Variants in MPDZ observed in about 807,000 individuals in gnomAD.
MPDZ encodes the protein multiple PDZ domain protein.
MPDZ carries 234 observed loss-of-function variants against 239.1 expected under a neutral mutation model. That is an observed-to-expected ratio of 0.98 (90% CI 0.88 to 1.09). The LOEUF is 1.09. Among genes scored for constraint, MPDZ ranks in the 50% least tolerant of loss-of-function variants. MPDZ has a pLI of 0.00. For missense variants in MPDZ, 3,175 were observed against 2,510.0 expected (o/e 1.26, Z -5.66); for synonymous variants, 1,048 against 881.3 (o/e 1.19, Z -3.35).
intron 10 of MPDZ, among the ~76,000 whole-genome samples, chr9:13,213,096 T>C (rs1957836688): frequency 6.6e-6 from 1 of 152,138 alleles, no homozygotes; most frequent in Non-Finnish European, 1.5e-5. Context: ...GCTTTTAGCA[T>C]ATTGAATATC....
At chr9:13,143,349 T>G (rs1046024253) in intron 27 of MPDZ, 117 bp downstream of exon 27, 6 of 746,644 alleles carry the variant, frequency 8.0e-6, no homozygotes, top group East Asian at 5.3e-5. Flanking sequence ...TGTTTTTTTG[T>G]TTTTTTTTCC....
At chr9:13,272,394 A>T (rs969907934) in intron 1 of MPDZ, among the ~76,000 whole-genome samples, 2 of 152,156 alleles carry the variant, frequency 1.3e-5, no homozygotes, top group African/African-American at 4.8e-5. Context: ...CCCGATATAT[A>T]TTCAATAGAT....
chr9:13,114,132 A>G, intron 40 of MPDZ, 111 bp from the exon 41 acceptor site: 3 of 795,252 alleles, frequency 3.8e-6, no homozygotes, highest in South Asian at 3.4e-5. Flanking sequence ...CAACAGTGGC[A>G]TTTGATAATT....
intron 24 of MPDZ, among the ~76,000 whole-genome samples, chr9:13,153,707 A>T (rs374932427): frequency 1.3e-5 from 2 of 152,178 alleles, no homozygotes; most frequent in East Asian, 1.9e-4. Flanking sequence ...GCCATTGTAC[A>T]TATAGTACAT....
At position 13,162,719 on chromosome 9, in the gene MPDZ, G is replaced by C. The variant is rs1468573428; in HGVS notation, c.3331C>G (p.Leu1111Val). Reference sequence around the variant, plus strand: ...CCAGTGTATGAAGAAAAAATATCCAGTGCCATTACTCTTCCAGATTGTTGT... The same window carrying C: ...CCAGTGTATGAAGAAAAAATATCCACTGCCATTACTCTTCCAGATTGTTGT... The part of the protein sequence containing the change: ...LGQQSGRVMA[L>V]DIFSSYTGRD... The change falls in exon 23 of 47, where the codon CTG becomes GTG. Residue 1111 changes from leucine to valine, a missense_variant. Leu to Val is a conservative substitution (Grantham distance 32). Coordinates refer to ENST00000319217, the MANE Select transcript of MPDZ (RefSeq NM_001378778.1). 1 of 1,610,344 alleles carries C rather than the reference G, an allele frequency of 6.2e-7. No individual in the cohort carries two copies. The highest frequency in any genetic ancestry group is 1.7e-5 in the Admixed American group (1 of 59,798).
chr9:13,205,500 C>T (rs1025293325), intron 11 of MPDZ, among the ~76,000 whole-genome samples: 13 of 152,196 alleles, frequency 8.5e-5, no homozygotes, highest in Admixed American at 2.0e-4. Context: ...GAATTAAAGT[C>T]GATTCCTTCA....
chr9:13,268,911 G>C lies in MPDZ; in HGVS notation c.-58+10489C>G, dbSNP rs1036572779. ...GTTTGGAGGGTACAGGGATTACAGG[G>C]ATAGAGAAAATTTATTTTCTGATAA... On this transcript the variant is annotated intron_variant, in intron 1 of 46. Transcript: ENST00000319217. Among the ~76,000 whole-genome samples, 5 of 152,248 alleles carry C rather than the reference G, an allele frequency of 3.3e-5. 1 individual carries two copies. The highest frequency in any genetic ancestry group is 1.2e-4 in the African/African-American group (5 of 41,534).
chr9:13,248,158 G>A (rs1966864496), intron 2 of MPDZ, among the ~76,000 whole-genome samples: 1 of 150,648 alleles, frequency 6.6e-6, no homozygotes, highest in South Asian at 2.1e-4. Context: ...AATCCAGGAG[G>A]CAGAGGTTGC....
Position 13,196,108 on chromosome 9 carries a change from T to G in MPDZ, c.1656+13A>C. 1 of 1,541,460 alleles carries G rather than the reference T, an allele frequency of 6.5e-7. No homozygotes were observed. Among genetic ancestry groups the G allele is most frequent in the Non-Finnish European group, 8.9e-7 (1 of 1,127,400 alleles). ...TTACAAGTTAGAAAATTACAGAAGGTCAGCTAACCTACCACTATTTCATAG... is the reference window on the plus strand; with the variant it reads ...TTACAAGTTAGAAAATTACAGAAGGGCAGCTAACCTACCACTATTTCATAG... On this transcript the variant is annotated intron_variant, in intron 13 of 46. Coordinates refer to ENST00000319217, the MANE Select transcript of MPDZ (RefSeq NM_001378778.1).
intron 26 of MPDZ, 33 bp from the exon 27 acceptor site, chr9:13,143,597 A>C (rs1563895481): frequency 1.9e-6 from 3 of 1,553,714 alleles, no homozygotes; most frequent in Non-Finnish European, 2.7e-6. Flanking sequence ...CTGAACGCAA[A>C]GGAAATGTAT....
At chr9:13,123,859 T>G (rs2131696936) in intron 35 of MPDZ, among the ~76,000 whole-genome samples, 1 of 152,344 alleles carries the variant, frequency 6.6e-6, no homozygotes, top group Middle Eastern at 3.4e-3. Context: ...TGAGCAAAAA[T>G]GCACCATTTG....
At chr9:13,213,992 G>T (rs1957969428) in intron 10 of MPDZ, among the ~76,000 whole-genome samples, 1 of 151,980 alleles carries the variant, frequency 6.6e-6, no homozygotes, top group Non-Finnish European at 1.5e-5. Context: ...AACTTTGTAA[G>T]TGAAGAAACT....
rs1204937658 is a variant in MPDZ, at chr9:13,196,178, T to C, written c.1599A>G (p.Gln533=). The C allele has an allele frequency of 6.2e-7, 1 of 1,603,830 alleles. No individual in the cohort carries two copies. The highest frequency in any genetic ancestry group is 8.5e-7 in the Non-Finnish European group (1 of 1,174,284). ...EIEEIEDAQK[Q]EAALLTKWQR... ...GCCATTTTGTCAGCAGAGCAGCTTCTTGTTTTTGTGCATCTTCTATTTCTT... is the reference window on the plus strand; with the variant it reads ...GCCATTTTGTCAGCAGAGCAGCTTCCTGTTTTTGTGCATCTTCTATTTCTT... Residue 533 remains glutamine (Q), a synonymous_variant, in exon 13 of 47, where the codon CAA becomes CAG. Coordinates refer to ENST00000319217, the MANE Select transcript of MPDZ (RefSeq NM_001378778.1).
chr9:13,256,856 C>A (rs1969560578), intron 1 of MPDZ, among the ~76,000 whole-genome samples: 1 of 152,164 alleles, frequency 6.6e-6, no homozygotes, highest in African/African-American at 2.4e-5. Context: ...AATAGACTTG[C>A]TTGACACAGA....
Position 13,119,878 on chromosome 9 carries a change from T to C in MPDZ, c.5232-229A>G, listed in dbSNP as rs564445842. 15 of 533,282 alleles carry C rather than the reference T, an allele frequency of 2.8e-5. No individual in the cohort carries two copies. The East Asian group carries it at 4.2e-4, about 15-fold the overall frequency. 33.0% of individuals were successfully genotyped at this position (533,282 alleles called of 1,614,324 possible). On this transcript the variant is annotated intron_variant, in intron 38 of 46. Coordinates refer to ENST00000319217, the MANE Select transcript of MPDZ (RefSeq NM_001378778.1). The stretch of plus-strand genomic sequence containing the variant: ...AAATGATCTCCAATAAGCATATTTA[T>C]TCTTCATCATTTATATACACTGAGT...
chr9:13,183,583 C>T lies in MPDZ; in HGVS notation c.2484G>A (p.Val828=), dbSNP rs1420082100. 1.9e-6 allele frequency: 3 copies of T among 1,611,156 alleles called. No homozygotes were observed. Among genetic ancestry groups the T allele is most frequent in the East Asian group, 2.2e-5 (1 of 44,708 alleles). ...KPLFRADLAL[V]GTNDADLVDE... is the part of the protein sequence containing the mutation. The stretch of plus-strand genomic sequence containing the variant: ...CTACTAAGTCAGCATCATTTGTGCC[C>T]ACCTAGAAACAAAACAATAATATCA... The change falls in exon 19 of 47, where the codon GTG becomes GTA. Residue 828 remains valine, a splice_region_variant and synonymous_variant. Transcript: ENST00000319217.
chr9:13,175,952 A>T lies in MPDZ; in HGVS notation c.2932-77T>A, dbSNP rs1587527870. On this transcript the variant is annotated intron_variant, in intron 20 of 46. Coordinates refer to ENST00000319217, the MANE Select transcript of MPDZ (RefSeq NM_001378778.1). ...TTGGAGCGTGATTTCAACATCACGC[A>T]TGTTCTCTAATTGATTGTGCTTTAT... 13 of 1,485,824 alleles carry T rather than the reference A, an allele frequency of 8.7e-6. No homozygotes were observed. The East Asian group carries it at 2.9e-4, about 33-fold the overall frequency. 92.0% of individuals were successfully genotyped at this position (1,485,824 alleles called of 1,614,324 possible). A position where few individuals can be genotyped will look rare whatever the true frequency, so the allele number is the denominator to read the frequency against.
At chr9:13,146,684 T>C (rs1007950480) in intron 26 of MPDZ, among the ~76,000 whole-genome samples, 1 of 152,000 alleles carries the variant, frequency 6.6e-6, no homozygotes, top group Admixed American at 6.6e-5. Flanking sequence ...AATGGATGTG[T>C]ATGTTTCTAA....
In MPDZ at chr9:13,121,918, G is replaced by C. The variant is rs777528539; in HGVS notation, c.5052C>G (p.Asp1684Glu). 1 of 1,613,320 alleles carries C rather than the reference G, an allele frequency of 6.2e-7. No homozygotes were observed. Among genetic ancestry groups the C allele is most frequent in the Non-Finnish European group, 8.5e-7 (1 of 1,179,574 alleles). Residue 1684 changes from aspartate (D) to glutamate (E), a missense_variant, in exon 38 of 47, where the codon GAC (aspartate) becomes GAG (glutamate). Asp to Glu is a conservative substitution (Grantham distance 45, BLOSUM62 2). Coordinates refer to ENST00000319217, the MANE Select transcript of MPDZ (RefSeq NM_001378778.1). Reference protein sequence around the residue: ...GDQILEVNGIDLRKATHDEAI... With the variant: ...GDQILEVNGIELRKATHDEAI... ...CTTCATCATGTGTGGCCTTTCTCAA[G>C]TCAATTCCATTCACCTGTACAGAAA...
Sources: allele counts gnomAD v4.1 joint callset (sites outside exome capture counted in the v4.1 genomes callset), GRCh38; gene constraint gnomAD v4.1.1; transcripts MANE v1.5; gene names NCBI Gene and HGNC (gene_info 2026-07-23, HGNC 2026-07-21).